ATP6V0A2: variants seen among roughly 807,000 people sequenced by gnomAD.
ATP6V0A2 encodes the protein V-type proton ATPase 116 kDa subunit a 2.
A neutral mutation model predicts 104.4 loss-of-function variants in ATP6V0A2; 58 were observed. That is an observed-to-expected ratio of 0.56 (90% CI 0.45 to 0.69). The LOEUF (loss-of-function observed/expected upper bound fraction) is 0.69, where lower values mean the gene tolerates loss of function less well. ATP6V0A2 is among the 30% of genes least tolerant of loss of function. The pLI is 0.00. For synonymous variants in ATP6V0A2, 376 were observed against 397.9 expected (o/e 0.95, Z 0.65); for missense variants, 938 against 1,062.9 (o/e 0.88, Z 1.63).
At chr12:123,754,380 ACAT>A (rs762543813) in intron 17 of ATP6V0A2, 37 bp from the exon 18 acceptor site, 1 of 1,454,506 alleles carries the variant, frequency 6.9e-7, no homozygotes, top group Non-Finnish European at 9.7e-7. Flanking sequence ...TACACATGTA[ACAT>A]CATGACTCTT....
rs561779975 is a variant in ATP6V0A2, at chr12:123,742,934, A to G, written c.1039-851A>G. On this transcript the variant is annotated intron_variant, in intron 9 of 19. Transcript: ENST00000330342. ...AGTGTTTTCATTATAAATCAATATA[A>G]TGCATTTCAGAAGAATTGCAAACAC... Among the ~76,000 whole-genome samples the G allele has an allele frequency of 4.6e-5, 7 of 152,338 alleles. No individual in the cohort carries two copies. In the East Asian group the frequency reaches 1.3e-3, roughly 29 times the overall value.
chr12:123,754,573 C>T lies in ATP6V0A2; in HGVS notation c.2293+36C>T, dbSNP rs780082325. 6.2e-6 allele frequency: 9 copies of T among 1,452,374 alleles called. No homozygotes were observed. The East Asian group carries it at 1.8e-4, about 29-fold the overall frequency. The allele number at this position is 1,452,374 out of a possible 1,614,324, so 90.0% of individuals were successfully genotyped here. A position where few individuals can be genotyped will look rare whatever the true frequency, so the allele number is the denominator to read the frequency against. On this transcript the variant is annotated intron_variant, in intron 18 of 19. Coordinates refer to ENST00000330342, the MANE Select transcript of ATP6V0A2 (RefSeq NM_012463.4). ...GCTTAGACCTGCAGTTCCCAATGCC[C>T]TGTAGTGCCAGCAGACTCAGGGGGC...
At chr12:123,751,250 A>T (rs1424758134) in intron 16 of ATP6V0A2, 21 bp downstream of exon 16, 1 of 1,614,022 alleles carries the variant, frequency 6.2e-7, no homozygotes, top group Non-Finnish European at 8.5e-7. Flanking sequence ...GTTTGGATGC[A>T]TTTACAACTG....
chr12:123,726,220 C>G lies in ATP6V0A2; in HGVS notation c.456C>G (p.Phe152Leu), dbSNP rs371147164. The change falls in exon 5 of 20, where the codon TTC becomes TTG. Residue 152 changes from phenylalanine to leucine, a missense_variant. By Grantham distance (22) the Phe-to-Leu change is conservative. Transcript: ENST00000330342. ...NVEFEPTYEE[F>L]PSLESDSLLD... ...AGTTTGAACCCACTTATGAAGAATT[C>G]CCTTCCTTAGAGAGTGATTCTTTGT... The G allele has an allele frequency of 6.8e-6, 11 of 1,613,030 alleles. No homozygotes were observed. Among genetic ancestry groups the G allele is most frequent in the Non-Finnish European group, 9.3e-6 (11 of 1,179,144 alleles).
At chr12:123,722,701 C>T (rs1956411813) in intron 3 of ATP6V0A2, among the ~76,000 whole-genome samples, 1 of 152,100 alleles carries the variant, frequency 6.6e-6, no homozygotes, top group Non-Finnish European at 1.5e-5. Flanking sequence ...TGGTGGTGAA[C>T]AGAGGCAACA....
intron 14 of ATP6V0A2, among the ~76,000 whole-genome samples, chr12:123,748,266 C>T (rs1249674604): frequency 1.3e-5 from 2 of 152,112 alleles, no homozygotes; most frequent in East Asian, 3.8e-4. Context: ...CAATGTAAGA[C>T]ACAGCATTTT....
Position 123,751,218 on chromosome 12 carries a change from G to C in ATP6V0A2, c.2044G>C (p.Gly682Arg). The part of the protein sequence containing the change: ...LWLHNGRSCF[G>R]VNRSGYTLIR... Reference sequence around the variant, plus strand: ...GCTTCACAATGGGCGTAGTTGCTTCGGGGTGAACCGGGTAAGTGCGGGTTT... The same window carrying C: ...GCTTCACAATGGGCGTAGTTGCTTCCGGGTGAACCGGGTAAGTGCGGGTTT... Residue 682 changes from glycine to arginine, a missense_variant, in exon 16 of 20, where the codon GGG becomes CGG. Coordinates refer to ENST00000330342, the MANE Select transcript of ATP6V0A2 (RefSeq NM_012463.4). The C allele has an allele frequency of 1.2e-6, 2 of 1,614,166 alleles. No individual in the cohort carries two copies. Among genetic ancestry groups the C allele is most frequent in the Non-Finnish European group, 1.7e-6 (2 of 1,180,020 alleles).
At chr12:123,754,939 G>A in intron 18 of ATP6V0A2, 1 of 252,818 alleles carries the variant, frequency 4.0e-6, no homozygotes, top group Non-Finnish European at 7.8e-6. Context: ...TTTATTTCAA[G>A]CAAGTCCTGC....
Position 123,718,705 on chromosome 12 carries a change from A to C in ATP6V0A2, c.196+4A>C. On this transcript the variant is annotated splice_donor_region_variant and intron_variant, in intron 2 of 19. Transcript: ENST00000330342. ...GAAGAGCTAGAGCGAATATTGGGTA[A>C]GTTTATTTTCTGATTTAACAACTTA... 2 of 1,605,296 alleles carry C rather than the reference A, an allele frequency of 1.2e-6. No individual in the cohort carries two copies. Among genetic ancestry groups the C allele is most frequent in the Non-Finnish European group, 1.7e-6 (2 of 1,173,402 alleles).
chr12:123,744,903 C>A lies in ATP6V0A2; in HGVS notation c.1536C>A (p.Asn512Lys). The change falls in exon 13 of 20, where the codon AAC becomes AAA. Residue 512 changes from asparagine (N) to lysine (K), a missense_variant. Transcript: ENST00000330342. The surrounding 1 kb of genome is among the most constrained non-coding windows in gnomAD (Gnocchi z 5.4). ...ACAGTGACAGCGTCGTTAGACACAA[C>A]AGCATTTTGCAGCTGGATCCAAGCA... ...VLWNDSVVRH[N>K]SILQLDPSIP... 1.2e-6 allele frequency: 2 copies of A among 1,614,208 alleles called. No individual in the cohort carries two copies. Among genetic ancestry groups the A allele is most frequent in the Non-Finnish European group, 1.7e-6 (2 of 1,180,032 alleles).
At chr12:123,752,237 C>T (rs370513999) in intron 16 of ATP6V0A2, 46 bp from the exon 17 acceptor site, 2 of 1,612,642 alleles carry the variant, frequency 1.2e-6, no homozygotes, top group Non-Finnish European at 1.7e-6. Flanking sequence ...TTTGTCACAA[C>T]CTTGTGGTTT....
At chr12:123,755,136 TGTC>T (rs1314794817) in intron 18 of ATP6V0A2, among the ~76,000 whole-genome samples, 2 of 152,084 alleles carry the variant, frequency 1.3e-5, no homozygotes, top group Non-Finnish European at 2.9e-5. Flanking sequence ...GTGCGGCAGG[TGTC>T]GTGATGAAGA....
intron 9 of ATP6V0A2, among the ~76,000 whole-genome samples, chr12:123,738,655 T>TA (rs1956580024): frequency 6.6e-6 from 1 of 152,218 alleles, no homozygotes; most frequent in African/African-American, 2.4e-5. Context: ...TCTTTGCTCT[T>TA]ACACCTTCCA....
At chr12:123,726,308 T>G (rs1157762030) in intron 5 of ATP6V0A2, 23 bp downstream of exon 5, 1 of 1,556,246 alleles carries the variant, frequency 6.4e-7, no homozygotes. Context: ...GCCTGGGGTG[T>G]CAGGCTTCAT....
intron 18 of ATP6V0A2, among the ~76,000 whole-genome samples, chr12:123,755,252 A>C (rs1956752123): frequency 1.3e-5 from 2 of 152,070 alleles, no homozygotes; most frequent in Admixed American, 1.3e-4. Flanking sequence ...AAAGAATAGG[A>C]CAGGCCAGGC....
chr12:123,733,868 G>A lies in ATP6V0A2; in HGVS notation c.649-58G>A, dbSNP rs977279288. ...ACGCTTTGACAGTGTTTGAGCTGCC[G>A]AAGTTCTAGAAGTTTATACACGCAG... On this transcript the variant is annotated intron_variant, in intron 6 of 19. Transcript: ENST00000330342. 105 of 1,267,784 alleles carry A rather than the reference G, an allele frequency of 8.3e-5. 1 individual carries two copies. In the African/African-American group the frequency reaches 1.2e-3, roughly 15 times the overall value. 78.5% of individuals were successfully genotyped at this position (1,267,784 alleles called of 1,614,324 possible).
intron 6 of ATP6V0A2, chr12:123,731,373 A>G (rs1056044740): frequency 6.6e-6 from 1 of 152,164 alleles, no homozygotes; most frequent in Non-Finnish European, 1.5e-5. Context: ...CTTAGAGACT[A>G]TTTTTAGCCA....
chr12:123,720,488 G>C (rs1956388819), intron 2 of ATP6V0A2, among the ~76,000 whole-genome samples: 1 of 152,214 alleles, frequency 6.6e-6, no homozygotes, highest in Admixed American at 6.5e-5. Flanking sequence ...CTTGAGTCCA[G>C]GAGTTTGAGA....
At chr12:123,718,463 A>G (rs1956365702) in intron 1 of ATP6V0A2, among the ~76,000 whole-genome samples, 160 bp from the exon 2 acceptor site, 1 of 152,130 alleles carries the variant, frequency 6.6e-6, no homozygotes, top group Non-Finnish European at 1.5e-5. Context: ...TTTTGGTAAC[A>G]GTTGACAAAT....
Sources: gnomAD v4.1 joint callset for allele counts (sites outside exome capture counted in the v4.1 genomes callset) on GRCh38, gnomAD v4.1.1 for gene constraint, Gnocchi (gnomAD v3.1) non-coding constraint, MANE v1.5 for transcripts, NCBI Gene and HGNC (gene_info 2026-07-23, HGNC 2026-07-21) for gene names.